The following ENOX2 variants were observed in gnomAD, a reference collection of about 807,000 sequenced individuals.
ENOX2 encodes APK1 antigen.
In ENOX2, 36 loss-of-function variants were observed where a neutral mutation model predicts 45.0. That is an observed-to-expected ratio of 0.80 (90% CI 0.61 to 1.06). ENOX2 has a LOEUF of 1.06. Ranked by LOEUF, ENOX2 falls within the 50% of genes least tolerant of loss-of-function variation. The probability of loss-of-function intolerance (pLI) is 0.00; values close to 1 mark genes in which losing one functional copy is unlikely to be tolerated. For missense variants in ENOX2, 423 were observed against 462.5 expected, an observed-to-expected ratio of 0.91 and a Z score of 0.78; for synonymous variants, 174 against 152.3, an observed-to-expected ratio of 1.14 and a Z score of -1.05.
At chrX:130,713,737 A>T (rs1421928320) in intron 3 of ENOX2, among the ~76,000 whole-genome samples, 3 of 106,709 alleles carry the variant, frequency 2.8e-5, no homozygotes, top group Non-Finnish European at 5.8e-5. Context: ...AGATGGGCCT[A>T]AAAAAAAAAT....
Position 130,679,739 on chromosome X carries a change from G to A in ENOX2, c.263C>T (p.Pro88Leu), listed in dbSNP as rs765720125. The stretch of plus-strand genomic sequence containing the variant: ...TGGTGGTCTTTCTCGGGTTGCAGGA[G>A]GTGGGAGATCTAAGTTGTAAGGGCA... ...TLFPPNPNLP[P>L]PATRERPPGC... The change falls in exon 6 of 15, where the codon CCT (proline) becomes CTT (leucine). Residue 88 changes from proline (P) to leucine (L), a missense_variant. Physicochemically the swap from Pro to Leu is moderately conservative, Grantham distance 98. Around this residue, in one of 5 missense-constraint regions of ENOX2, gnomAD observed 261 missense variants for 306.8 expected, o/e 0.85. Coordinates refer to ENST00000394363, the MANE Select transcript of ENOX2 (RefSeq NM_006375.4). 10 of 1,206,062 alleles carry A rather than the reference G, an allele frequency of 8.3e-6. No individual in the cohort carries two copies. In the South Asian group the frequency reaches 1.2e-4, roughly 15 times the overall value.
chrX:130,889,126 A>T (rs1253054879), intron 2 of ENOX2, among the ~76,000 whole-genome samples: 1 of 112,101 alleles, frequency 8.9e-6, no homozygotes, highest in Non-Finnish European at 1.9e-5. Flanking sequence ...GCTGGGACAC[A>T]ATTTTAGCAC....
At chrX:130,737,413 TTTCTC>T (rs1336926985) in intron 3 of ENOX2, among the ~76,000 whole-genome samples, 1 of 112,468 alleles carries the variant, frequency 8.9e-6, no homozygotes, top group African/African-American at 3.2e-5. Flanking sequence ...TTTTCCACCT[TTTCTC>T]TTCAAAGAAG....
At chrX:130,625,901 A>ATC (rs758159264) in intron 14 of ENOX2, among the ~76,000 whole-genome samples, 1,858 of 101,486 alleles carry the variant, frequency 0.018, 35 homozygotes, top group African/African-American at 0.063. Flanking sequence ...CTGCATCCCC[A>ATC]TCTCTCTCTC....
chrX:130,706,304 C>T (rs1603312044), intron 3 of ENOX2, among the ~76,000 whole-genome samples: 1 of 111,898 alleles, frequency 8.9e-6, no homozygotes, highest in African/African-American at 3.2e-5. Flanking sequence ...GCTCTGGGAA[C>T]ACAGAGGAGT....
intron 2 of ENOX2, among the ~76,000 whole-genome samples, chrX:130,792,241 G>A (rs764587952): frequency 1.4e-3 from 158 of 111,869 alleles, no homozygotes; most frequent in African/African-American, 4.7e-3. Context: ...ACAGATACTG[G>A]AGCTTACTTG....
chrX:130,782,043 C>T (rs1487973347), intron 3 of ENOX2, among the ~76,000 whole-genome samples: 1 of 110,986 alleles, frequency 9.0e-6, no homozygotes, highest in African/African-American at 3.3e-5. Context: ...ACTGGAATTA[C>T]GCCCCTAAAT....
intron 2 of ENOX2, among the ~76,000 whole-genome samples, chrX:130,827,459 T>C (rs1311786679): frequency 9.0e-6 from 1 of 111,463 alleles, no homozygotes; most frequent in Non-Finnish European, 1.9e-5. Context: ...AAGGTTCTGC[T>C]AGGTACTCTA....
chrX:130,888,816 C>T (rs1026185843), intron 2 of ENOX2, among the ~76,000 whole-genome samples: 2 of 111,742 alleles, frequency 1.8e-5, no homozygotes, highest in South Asian at 3.8e-4. Context: ...AATAATACAT[C>T]AAAAGTTTAT....
At chrX:130,694,769 A>C (rs1254844234) in intron 4 of ENOX2, among the ~76,000 whole-genome samples, 1 of 108,912 alleles carries the variant, frequency 9.2e-6, no homozygotes, top group Non-Finnish European at 1.9e-5. Flanking sequence ...TGCCCAGCTA[A>C]TTTTTGTATT....
At chrX:130,659,868 A>G (rs1398539467) in intron 9 of ENOX2, among the ~76,000 whole-genome samples, 1 of 112,275 alleles carries the variant, frequency 8.9e-6, no homozygotes, top group Non-Finnish European at 1.9e-5. Flanking sequence ...TTCAGCATCC[A>G]CAAAACATCT....
chrX:130,870,554 A>G (rs1345867444), intron 2 of ENOX2, among the ~76,000 whole-genome samples: 1 of 111,715 alleles, frequency 9.0e-6, no homozygotes, highest in East Asian at 2.8e-4. Flanking sequence ...CACAGTGTTC[A>G]TAATTTTAAA....
In ENOX2 at chrX:130,670,019, G is replaced by C. The variant is rs369982515; in HGVS notation, c.640C>G (p.Pro214Ala). 6.4e-5 allele frequency: 78 copies of C among 1,209,648 alleles called. No individual in the cohort carries two copies. In the Admixed American group the frequency reaches 8.3e-4, roughly 13 times the overall value. The change falls in exon 7 of 15, where the codon CCA (proline) becomes GCA (alanine). Residue 214 changes from proline to alanine, a missense_variant. This residue lies in a region of ENOX2 where 261 missense variants were observed against 306.8 expected (regional missense o/e 0.85). Coordinates refer to ENST00000394363, the MANE Select transcript of ENOX2 (RefSeq NM_006375.4). ...EERLRPPSPP[P>A]VVHYSDHECS... ...TCATGATCTGAATAGTGGACCACTG[G>C]GGGTGGAGATGGTGGACGCAATCTT...
At chrX:130,849,881 ATCTTAT>A (rs2078177136) in intron 2 of ENOX2, among the ~76,000 whole-genome samples, 1 of 111,444 alleles carries the variant, frequency 9.0e-6, no homozygotes, top group African/African-American at 3.3e-5. Context: ...GAAAGTAGAA[ATCTTAT>A]GCTTGAAGCA....
intron 3 of ENOX2, among the ~76,000 whole-genome samples, chrX:130,759,322 GT>G (rs2039419935): frequency 9.0e-6 from 1 of 110,890 alleles, no homozygotes; most frequent in East Asian, 2.8e-4. Context: ...CCACTGAATT[GT>G]TTTTGCACAT....
chrX:130,840,420 C>T (rs890332165), intron 2 of ENOX2, among the ~76,000 whole-genome samples: 4 of 109,245 alleles, frequency 3.7e-5, no homozygotes, highest in Admixed American at 2.0e-4. Flanking sequence ...ATTAAATCAA[C>T]GTGAAGAAAC....
At chrX:130,682,463 A>G (rs1276445587) in intron 5 of ENOX2, among the ~76,000 whole-genome samples, 1 of 107,850 alleles carries the variant, frequency 9.3e-6, no homozygotes, top group African/African-American at 3.4e-5. Flanking sequence ...ACGTGCCTGT[A>G]ATCCCAGCTA....
chrX:130,778,875 A>G (rs1041222565), intron 3 of ENOX2, among the ~76,000 whole-genome samples: 1 of 112,414 alleles, frequency 8.9e-6, no homozygotes, highest in Non-Finnish European at 1.9e-5. Context: ...CTGGATGCTC[A>G]CTTTGGTATT....
At chrX:130,883,363 G>A (rs774046070) in intron 2 of ENOX2, among the ~76,000 whole-genome samples, 11 of 110,968 alleles carry the variant, frequency 9.9e-5, no homozygotes, top group East Asian at 5.7e-4. Flanking sequence ...CACCCCCCTC[G>A]GCCTCCCAAA....
Sources: allele counts gnomAD v4.1 joint callset (sites outside exome capture counted in the v4.1 genomes callset), GRCh38; gene constraint gnomAD v4.1.1; regional missense constraint gnomAD v4.1.1; transcripts MANE v1.5; gene names NCBI Gene and HGNC (gene_info 2026-07-23, HGNC 2026-07-21).